DNAJB6: variants seen among roughly 807,000 people sequenced by gnomAD.
The protein encoded by DNAJB6 is DnaJ heat shock protein family (Hsp40) member B6, also known as dnaJ homolog subfamily B member 6.
In DNAJB6, 16 loss-of-function variants were observed where a neutral mutation model predicts 42.7. That is an observed-to-expected ratio of 0.37 (90% CI 0.25 to 0.57). DNAJB6 has a LOEUF of 0.57. Ranked by LOEUF, DNAJB6 falls within the 20% of genes least tolerant of loss-of-function variation. The pLI is 0.74. For missense variants in DNAJB6, 347 were observed against 416.8 expected (o/e 0.83, Z 1.46); for synonymous variants, 170 against 163.5 (o/e 1.04, Z -0.30).
chr7:157,402,368 C>T (rs1017962240), intron 8 of DNAJB6, among the ~76,000 whole-genome samples: 1 of 152,186 alleles, frequency 6.6e-6, no homozygotes, highest in Admixed American at 6.5e-5. Context: ...GTGGCGGGTG[C>T]AGCACAGTCC....
rs74746437 is a variant in DNAJB6, at chr7:157,347,798, A to G, written c.-27+10654A>G. Among the ~76,000 whole-genome samples the G allele has an allele frequency of 5.0e-3, 761 of 152,078 alleles. 5 individuals carry two copies. The highest frequency in any genetic ancestry group is 0.017 in the African/African-American group (715 of 41,438). On this transcript the variant is annotated intron_variant, in intron 1 of 9. Coordinates refer to ENST00000262177, the MANE Select transcript of DNAJB6 (RefSeq NM_058246.4). Reference sequence around the variant, plus strand: ...CATTCAGGTTATAAGAAGTTTGTTTATTTATTTGTTTTTTTGAGTTGGAGT... The same window carrying G: ...CATTCAGGTTATAAGAAGTTTGTTTGTTTATTTGTTTTTTTGAGTTGGAGT...
intron 1 of DNAJB6, among the ~76,000 whole-genome samples, chr7:157,353,619 GTGTA>G (rs1554453984): frequency 2.7e-5 from 4 of 146,890 alleles, no homozygotes; most frequent in Non-Finnish European, 6.0e-5. Context: ...GTGTGTGTGT[GTGTA>G]TGTATTTTTT....
In DNAJB6 at chr7:157,384,988, C is replaced by T. The variant is rs762727016; in HGVS notation, c.600C>T (p.Gly200=). The T allele has an allele frequency of 6.2e-7, 1 of 1,613,960 alleles. No homozygotes were observed. The highest frequency in any genetic ancestry group is 1.7e-5 in the Admixed American group (1 of 60,006). The change falls in exon 7 of 10, where the codon GGC becomes GGT. Residue 200 remains glycine, a synonymous_variant. Transcript: ENST00000262177. Reference sequence around the variant, plus strand: ...CAACTTCAACTAAAATGGTTAATGGCAGAAAAATCACTACAAAGAGGTACT... The same window carrying T: ...CAACTTCAACTAAAATGGTTAATGGTAGAAAAATCACTACAAAGAGGTACT... ...SISTSTKMVN[G]RKITTKRIVE...
chr7:157,397,174 T>G (rs1801630241), intron 8 of DNAJB6, among the ~76,000 whole-genome samples: 1 of 152,210 alleles, frequency 6.6e-6, no homozygotes, highest in Non-Finnish European at 1.5e-5. Context: ...TAGCTACCCC[T>G]TGAGGAGTAA....
intron 9 of DNAJB6, chr7:157,412,219 G>A (rs565306800): frequency 1.3e-5 from 2 of 152,352 alleles, no homozygotes; most frequent in South Asian, 2.1e-4. Context: ...CAGAACTGGA[G>A]TGAAATTGCA....
chr7:157,338,664 C>A (rs1041326872), intron 1 of DNAJB6, among the ~76,000 whole-genome samples: 1 of 152,206 alleles, frequency 6.6e-6, no homozygotes, highest in Non-Finnish European at 1.5e-5. Context: ...TCCTGAGGGC[C>A]TTAAGCTCCC....
intron 7 of DNAJB6, 113 bp downstream of exon 7, chr7:157,385,121 G>A (rs905794980): frequency 8.8e-7 from 1 of 1,132,742 alleles, no homozygotes; most frequent in Non-Finnish European, 1.2e-6. Context: ...GCTAAATCTG[G>A]CGCCATGAAA....
At chr7:157,369,128 T>G (rs1272039272) in intron 5 of DNAJB6, 1 of 370,514 alleles carries the variant, frequency 2.7e-6, no homozygotes, top group Non-Finnish European at 5.3e-6. Context: ...GATTTCCGAT[T>G]AGGGGACCGG....
intron 5 of DNAJB6, among the ~76,000 whole-genome samples, chr7:157,369,880 C>CGGG (rs1800070539): frequency 7.4e-6 from 1 of 134,902 alleles, no homozygotes; most frequent in African/African-American, 2.8e-5. Context: ...TATTATTAAA[C>CGGG]AGGCCCCTTC....
At chr7:157,338,191 C>A (rs1320744415) in intron 1 of DNAJB6, among the ~76,000 whole-genome samples, 1 of 152,218 alleles carries the variant, frequency 6.6e-6, no homozygotes, top group Non-Finnish European at 1.5e-5. Context: ...AGCTTGATTG[C>A]TGCTGCTTCG....
In DNAJB6 at chr7:157,339,281, C is replaced by CTTTTTTTTT. The variant is rs34284253; in HGVS notation, c.-27+2159_-27+2167dup. 5.9e-4 allele frequency among the ~76,000 whole-genome samples: 40 copies of CTTTTTTTTT among 68,290 alleles called. 3 individuals are homozygous for CTTTTTTTTT. Among genetic ancestry groups the CTTTTTTTTT allele is most frequent in the Non-Finnish European group, 9.6e-4 (35 of 36,346 alleles). 44.8% of individuals were successfully genotyped at this position (68,290 alleles called of 152,430 possible). A position where few individuals can be genotyped will look rare whatever the true frequency, so the allele number is the denominator to read the frequency against. On this transcript the variant is annotated intron_variant, in intron 1 of 9. Coordinates refer to ENST00000262177, the MANE Select transcript of DNAJB6 (RefSeq NM_058246.4). The stretch of plus-strand genomic sequence containing the variant: ...TGGGGGTGGAATGGTCTGTTTGCAC[C>CTTTTTTTTT]TTTTTTTTTTTTTTTTTTTTTTTTT...
chr7:157,347,328 A>G (rs1012091809), intron 1 of DNAJB6, among the ~76,000 whole-genome samples: 2 of 152,226 alleles, frequency 1.3e-5, no homozygotes, highest in African/African-American at 4.8e-5. Flanking sequence ...TTGACAGCAT[A>G]GTGCCACGAT....
chr7:157,385,337 T>C (rs1054334477), intron 7 of DNAJB6, among the ~76,000 whole-genome samples: 1 of 152,246 alleles, frequency 6.6e-6, no homozygotes, highest in Non-Finnish European at 1.5e-5. Flanking sequence ...GTACGGTATT[T>C]GAGACACAAT....
At chr7:157,341,000 G>GCT (rs1554450164) in intron 1 of DNAJB6, among the ~76,000 whole-genome samples, 1 of 147,538 alleles carries the variant, frequency 6.8e-6, no homozygotes, top group African/African-American at 2.6e-5. Context: ...GTGTGTGTGC[G>GCT]CGCGCGCAGG....
At chr7:157,398,516 T>C (rs1013870170) in intron 8 of DNAJB6, among the ~76,000 whole-genome samples, 4 of 152,184 alleles carry the variant, frequency 2.6e-5, no homozygotes, top group Admixed American at 2.6e-4. Context: ...CAGACTCCAT[T>C]TGGGGAAGAA....
chr7:157,338,043 C>T (rs142026941), intron 1 of DNAJB6, among the ~76,000 whole-genome samples: 3 of 152,262 alleles, frequency 2.0e-5, no homozygotes, highest in African/African-American at 7.2e-5. Context: ...GGCTGAGCGG[C>T]GCTCTTTGTA....
At chr7:157,401,294 C>T (rs759171791) in intron 8 of DNAJB6, among the ~76,000 whole-genome samples, 3 of 152,152 alleles carry the variant, frequency 2.0e-5, no homozygotes, top group Non-Finnish European at 2.9e-5. Context: ...TCTTGGTTCA[C>T]CGCTACCTCC....
At chr7:157,353,556 G>C (rs1189085508) in intron 1 of DNAJB6, among the ~76,000 whole-genome samples, 1 of 147,280 alleles carries the variant, frequency 6.8e-6, no homozygotes, top group Non-Finnish European at 1.5e-5. Context: ...TTAGTTACAG[G>C]TTGTCTGTCC....
In DNAJB6 at chr7:157,409,408, A is replaced by G. The variant is rs150500988; in HGVS notation, c.692-387A>G. On this transcript the variant is annotated intron_variant, in intron 8 of 9. Coordinates refer to ENST00000262177, the MANE Select transcript of DNAJB6 (RefSeq NM_058246.4). ...GTATGGACTCAGGAGGAAATCGCCA[A>G]CTGGACCCAGAACCTTTCTTCCCCA... 6.4e-3 allele frequency among the ~76,000 whole-genome samples: 982 copies of G among 152,294 alleles called. 15 individuals carry two copies. Among genetic ancestry groups the G allele is most frequent in the African/African-American group, 0.023 (943 of 41,556 alleles).
Sources: gnomAD v4.1 joint callset for allele counts (sites outside exome capture counted in the v4.1 genomes callset) on GRCh38, gnomAD v4.1.1 for gene constraint, MANE v1.5 for transcripts, NCBI Gene and HGNC (gene_info 2026-07-23, HGNC 2026-07-21) for gene names.